Variants in TRAPPC10 observed in about 807,000 individuals in gnomAD.
The protein encoded by TRAPPC10 is trafficking protein particle complex subunit 10.
Under a neutral mutation model 125.5 loss-of-function variants are expected in TRAPPC10, and 23 were observed. The observed-to-expected ratio is 0.18, with a 90% CI of 0.13 to 0.26. The LOEUF is 0.26. TRAPPC10 is among the 10% of genes least tolerant of loss of function. The probability of loss-of-function intolerance (pLI) is 1.00; values close to 1 mark genes in which losing one functional copy is unlikely to be tolerated. For synonymous variants in TRAPPC10, 509 were observed against 518.0 expected, an observed-to-expected ratio of 0.98 and a Z score of 0.24; for missense variants, 1,123 against 1,308.4, an observed-to-expected ratio of 0.86 and a Z score of 2.19.
Position 44,083,240 on chromosome 21 carries a change from G to A in TRAPPC10, c.2176G>A (p.Val726Met), listed in dbSNP as rs2071152. 335,888 of 1,613,832 alleles carry A rather than the reference G, an allele frequency of 0.21. 45,727 individuals carry two copies. The highest frequency in any genetic ancestry group is 0.63 in the African/African-American group (47,097 of 74,916). The change falls in exon 14 of 23, where the codon GTG becomes ATG. Residue 726 changes from valine to methionine, a missense_variant. Val to Met is a conservative substitution (Grantham distance 21, BLOSUM62 1). Around this residue, in one of 4 missense-constraint regions of TRAPPC10, gnomAD observed 840 missense variants for 902.0 expected, o/e 0.93. Coordinates refer to ENST00000291574, the MANE Select transcript of TRAPPC10 (RefSeq NM_003274.5). ...SGVALEEGAH[V>M]LRCSHVTLEP... ...GGTGGCTCTGGAGGAGGGTGCCCAC[G>A]TGCTGAGGTGCAGCCACGTGACCCT...
At chr21:44,069,367 G>C (rs1601739002) in intron 7 of TRAPPC10, among the ~76,000 whole-genome samples, 1 of 152,282 alleles carries the variant, frequency 6.6e-6, no homozygotes, top group Non-Finnish European at 1.5e-5. Context: ...AAACAGGCAA[G>C]AGAGGAAATC....
In TRAPPC10 at chr21:44,063,627, G is replaced by C. The variant is rs749002959; in HGVS notation, c.880G>C (p.Glu294Gln). Residue 294 changes from glutamate (E) to glutamine (Q), a missense_variant, in exon 7 of 23, where the codon GAA becomes CAA. Physicochemically the swap from Glu to Gln is conservative, Grantham distance 29. Transcript: ENST00000291574. This position sits in a 1 kb window ranked among gnomAD's most constrained non-coding sequence, Gnocchi z 4.4. The stretch of plus-strand genomic sequence containing the variant: ...AAAACCCATAGATATGGAGAAGCGG[G>C]AATCGATCCAGAGGCGAGAAGCCAC... ...LRKPIDMEKR[E>Q]SIQRREATLL... 6.2e-7 allele frequency: 1 copy of C among 1,614,200 alleles called. No individual in the cohort carries two copies. The highest frequency in any genetic ancestry group is 8.5e-7 in the Non-Finnish European group (1 of 1,180,040).
chr21:44,075,428 A>G (rs924311713), intron 9 of TRAPPC10, among the ~76,000 whole-genome samples: 2 of 152,110 alleles, frequency 1.3e-5, no homozygotes, highest in Non-Finnish European at 2.9e-5. Flanking sequence ...TCATGTTCAA[A>G]TGCACCACTG....
chr21:44,092,450 C>T (rs1341664196), intron 19 of TRAPPC10, among the ~76,000 whole-genome samples: 1 of 152,222 alleles, frequency 6.6e-6, no homozygotes, highest in African/African-American at 2.4e-5. Context: ...GTGCCTGCAT[C>T]TGGACCTTGC....
rs200054898 is a variant in TRAPPC10 at position 44,086,926 on chromosome 21, G to A, written c.2505G>A (p.Ala835=). 6.6e-5 allele frequency: 106 copies of A among 1,614,056 alleles called. No homozygotes were observed. Among genetic ancestry groups the A allele is most frequent in the South Asian group, 6.6e-5 (6 of 91,094 alleles). Residue 835 remains alanine, a synonymous_variant, in exon 16 of 23, where the codon GCG becomes GCA. Transcript: ENST00000291574. ...NAEAMLILCQ[A]ESRAVVYSNT... is the part of the protein sequence containing the mutation. ...AAGCCATGCTCATCCTGTGCCAGGC[G>A]GAGAGCAGGGCTGTGGTCTACTCCA...
In TRAPPC10 at chr21:44,076,556, C is replaced by T; in HGVS notation, c.1305C>T (p.Asn435=). 1.9e-6 allele frequency: 3 copies of T among 1,613,932 alleles called. No individual in the cohort carries two copies. Among genetic ancestry groups the T allele is most frequent in the Admixed American group, 3.3e-5 (2 of 60,010 alleles). Residue 435 remains asparagine (N), a synonymous_variant, in exon 10 of 23, where the codon AAC becomes AAT. Coordinates refer to ENST00000291574, the MANE Select transcript of TRAPPC10 (RefSeq NM_003274.5). ...GLGAERPETA[N]TAQSPYKKLK... is the part of the protein sequence containing the mutation. ...TCTCGTTTCTTTCTGTTTAAGCCAA[C>T]ACAGCTCAGAGTCCTTATAAGAAAC...
intron 4 of TRAPPC10, among the ~76,000 whole-genome samples, chr21:44,054,832 G>A (rs1458670384): frequency 1.3e-5 from 2 of 152,176 alleles, no homozygotes; most frequent in Non-Finnish European, 2.9e-5. Context: ...TTCCTGTGAG[G>A]CCCACAGCCT....
chr21:44,016,946 C>T (rs559920433), intron 1 of TRAPPC10, among the ~76,000 whole-genome samples: 14 of 152,352 alleles, frequency 9.2e-5, no homozygotes, highest in Admixed American at 3.9e-4. Context: ...TGAGCCACCG[C>T]GCCCAGCCAG....
At chr21:44,036,448 G>C (rs1227815107) in intron 2 of TRAPPC10, among the ~76,000 whole-genome samples, 2 of 152,190 alleles carry the variant, frequency 1.3e-5, no homozygotes, top group African/African-American at 4.8e-5. Context: ...GCCGTGTGGG[G>C]GCCAGGATGG....
intron 18 of TRAPPC10, among the ~76,000 whole-genome samples, chr21:44,090,634 T>G (rs2038508526): frequency 1.3e-5 from 2 of 152,130 alleles, no homozygotes; most frequent in Admixed American, 1.3e-4. Context: ...TCCTGTTGAC[T>G]GCACCGGGAG....
chr21:44,052,519 C>G (rs1569170081), intron 4 of TRAPPC10, 43 bp downstream of exon 4: 7 of 1,530,746 alleles, frequency 4.6e-6, no homozygotes, highest in Admixed American at 2.0e-5. Flanking sequence ...TAATACTTGA[C>G]ATGATACAGA....
intron 5 of TRAPPC10, among the ~76,000 whole-genome samples, chr21:44,056,749 G>A (rs1183494598): frequency 1.3e-5 from 2 of 152,116 alleles, no homozygotes; most frequent in African/African-American, 2.4e-5. Context: ...CAACAGCTCC[G>A]GCCTGGTTTG....
At chr21:44,061,623 G>A (rs775764132) in intron 6 of TRAPPC10, among the ~76,000 whole-genome samples, 1 of 152,108 alleles carries the variant, frequency 6.6e-6, no homozygotes, top group Non-Finnish European at 1.5e-5. Context: ...AGCAAAAAAC[G>A]TTTGAATTTA....
intron 7 of TRAPPC10, among the ~76,000 whole-genome samples, chr21:44,069,530 G>A (rs1462862364): frequency 6.6e-6 from 1 of 152,210 alleles, no homozygotes; most frequent in Admixed American, 6.5e-5. Flanking sequence ...TGGAGATGCT[G>A]GCGCTCATTC....
At chr21:44,029,033 G>A (rs1387014416) in intron 1 of TRAPPC10, among the ~76,000 whole-genome samples, 1 of 152,214 alleles carries the variant, frequency 6.6e-6, no homozygotes, top group African/African-American at 2.4e-5. Context: ...TACCTACCGC[G>A]TGAGCCAAGA....
At chr21:44,055,628 A>C in intron 4 of TRAPPC10, 70 bp from the exon 5 acceptor site, 1 of 1,279,134 alleles carries the variant, frequency 7.8e-7, no homozygotes, top group Non-Finnish European at 1.1e-6. Flanking sequence ...GCTCAGGACA[A>C]TGGCAGCTGC....
chr21:44,056,873 G>C (rs1295366160), intron 5 of TRAPPC10, among the ~76,000 whole-genome samples: 1 of 152,128 alleles, frequency 6.6e-6, no homozygotes, highest in East Asian at 1.9e-4. Context: ...TTTTCTGGTT[G>C]TGACAATTGT....
Position 44,087,679 on chromosome 21 carries a change from A to G in TRAPPC10, c.2540-20A>G. 1 of 1,607,914 alleles carries G rather than the reference A, an allele frequency of 6.2e-7. No homozygotes were observed. ...AAACCGAGGGAACAGCTTTGAAGTG[A>G]CTTTTTCTGTCCTTCGTAGAACAGT... On this transcript the variant is annotated intron_variant, in intron 16 of 22. Transcript: ENST00000291574. The surrounding 1 kb of genome is among the most constrained non-coding windows in gnomAD (Gnocchi z 4.6).
intron 15 of TRAPPC10, among the ~76,000 whole-genome samples, chr21:44,085,505 C>T (rs969299155): frequency 6.6e-6 from 1 of 152,086 alleles, no homozygotes; most frequent in African/African-American, 2.4e-5. Context: ...GGCAGGATGA[C>T]AAAACCCCAT....
Sources: allele counts gnomAD v4.1 joint callset (sites outside exome capture counted in the v4.1 genomes callset), GRCh38; gene constraint gnomAD v4.1.1; regional missense constraint gnomAD v4.1.1; non-coding constraint Gnocchi (gnomAD v3.1); transcripts MANE v1.5; gene names NCBI Gene and HGNC (gene_info 2026-07-23, HGNC 2026-07-21).